SLC25A25: variants seen among roughly 807,000 people sequenced by gnomAD.
The protein encoded by SLC25A25 is solute carrier family 25 member 25, also known as mitochondrial adenyl nucleotide antiporter SLC25A25.
In SLC25A25, 32 loss-of-function variants were observed where a neutral mutation model predicts 57.7. The ratio of observed to expected loss-of-function variants is 0.55; its 90% CI spans 0.42 to 0.74. The LOEUF is 0.74. Among genes scored for constraint, SLC25A25 ranks in the 30% least tolerant of loss-of-function variants. The pLI, the probability that SLC25A25 is intolerant of heterozygous loss-of-function variation, is 0.00. For missense variants in SLC25A25, 556 were observed against 701.3 expected, an observed-to-expected ratio of 0.79 and a Z score of 2.34; for synonymous variants, 306 against 291.2, an observed-to-expected ratio of 1.05 and a Z score of -0.52.
At chr9:128,100,060 C>T (rs1833723686) in intron 1 of SLC25A25, among the ~76,000 whole-genome samples, 1 of 152,078 alleles carries the variant, frequency 6.6e-6, no homozygotes, top group Non-Finnish European at 1.5e-5. Context: ...TTGGGAGGAC[C>T]ACGGCCCAAC....
Position 128,103,886 on chromosome 9 carries a change from T to G in SLC25A25, c.783+47T>G. The G allele has an allele frequency of 6.7e-7, 1 of 1,484,504 alleles. No homozygotes were observed. The highest frequency in any genetic ancestry group is 8.9e-7 in the Non-Finnish European group (1 of 1,118,314). The allele number at this position is 1,484,504 out of a possible 1,614,324, so 92.0% of individuals were successfully genotyped here. On this transcript the variant is annotated intron_variant, in intron 6 of 10. Coordinates refer to ENST00000373069, the MANE Select transcript of SLC25A25 (RefSeq NM_001330988.2). This position sits in a 1 kb window ranked among gnomAD's most constrained non-coding sequence, Gnocchi z 6.7. ...GACCCCTGGGGGGCCAGTTTCCACC[T>G]GGGGGATGCTGCTTGGCTAGTTTTC...
At position 128,107,778 on chromosome 9, in the gene SLC25A25, C is replaced by T; in HGVS notation, c.*334C>T. 2.5e-6 allele frequency: 1 copy of T among 406,436 alleles called. No homozygotes were observed. Among genetic ancestry groups the T allele is most frequent in the Non-Finnish European group, 4.3e-6 (1 of 230,484 alleles). 25.2% of individuals were successfully genotyped at this position (406,436 alleles called of 1,614,324 possible). A position where few individuals can be genotyped will look rare whatever the true frequency, so the allele number is the denominator to read the frequency against. ...AGCCTGGAGGCCGGCTTAGTTCTTC[C>T]ATTTCACCCTTGCAGCCAGCTGTTG... On this transcript the variant is annotated 3_prime_UTR_variant, in exon 11 of 11. Coordinates refer to ENST00000373069, the MANE Select transcript of SLC25A25 (RefSeq NM_001330988.2).
chr9:128,070,537 G>A (rs937839015), intron 1 of SLC25A25, among the ~76,000 whole-genome samples: 1 of 150,308 alleles, frequency 6.7e-6, no homozygotes, highest in African/African-American at 2.4e-5. Context: ...CACCGCACCC[G>A]GCTAGAGACA....
chr9:128,098,215 G>A (rs566490462), intron 1 of SLC25A25: 61 of 193,458 alleles, frequency 3.2e-4, no homozygotes, highest in Middle Eastern at 4.0e-3. Context: ...GCTAGAGGGT[G>A]AAGGTTTGTT....
intron 1 of SLC25A25, among the ~76,000 whole-genome samples, chr9:128,086,411 G>A (rs1318478788): frequency 9.7e-5 from 14 of 143,686 alleles, no homozygotes; most frequent in Admixed American, 2.2e-4. Context: ...TCAGCGCACC[G>A]CAACCTCCAC....
At chr9:128,089,312 T>G (rs1342068564) in intron 1 of SLC25A25, among the ~76,000 whole-genome samples, 1 of 152,184 alleles carries the variant, frequency 6.6e-6, no homozygotes, top group Non-Finnish European at 1.5e-5. Context: ...AGCTAATAGC[T>G]CCATGTACTG....
At chr9:128,097,145 T>C (rs1438081137) in intron 1 of SLC25A25, among the ~76,000 whole-genome samples, 1 of 152,168 alleles carries the variant, frequency 6.6e-6, no homozygotes, top group Non-Finnish European at 1.5e-5. Flanking sequence ...ATCCCGGTAG[T>C]GGGAAGATAT....
At chr9:128,094,688 G>A (rs1002424525) in intron 1 of SLC25A25, among the ~76,000 whole-genome samples, 8 of 152,204 alleles carry the variant, frequency 5.3e-5, no homozygotes, top group African/African-American at 1.9e-4. Context: ...CAGAGGCACT[G>A]TACCTGCCCT....
intron 1 of SLC25A25, chr9:128,100,838 T>G: frequency 2.1e-6 from 1 of 483,610 alleles, no homozygotes; most frequent in Non-Finnish European, 3.7e-6. Flanking sequence ...CCCAGGCTCC[T>G]TGTTTCCTCT....
chr9:128,087,533 G>A (rs2130798176), intron 1 of SLC25A25, among the ~76,000 whole-genome samples: 1 of 152,328 alleles, frequency 6.6e-6, no homozygotes, highest in East Asian at 1.9e-4. Context: ...TGATGTGCCA[G>A]AGTTCGTTTT....
At position 128,093,145 on chromosome 9, in the gene SLC25A25, T is replaced by C. The variant is rs1199764283; in HGVS notation, c.262-7951T>C. Among the ~76,000 whole-genome samples, 3 of 152,350 alleles carry C rather than the reference T, an allele frequency of 2.0e-5. No homozygotes were observed. In the East Asian group the frequency reaches 5.8e-4, roughly 29 times the overall value. ...TTTTGCCTTTGCTACTAGGGACTTT[T>C]GATGTAATAACATTTGCAGTCATGT... is the stretch of plus-strand genomic sequence containing the variant. On this transcript the variant is annotated intron_variant, in intron 1 of 10. Coordinates refer to ENST00000373069, the MANE Select transcript of SLC25A25 (RefSeq NM_001330988.2).
rs958115794 is a variant in SLC25A25 at position 128,107,754 on chromosome 9, G to T, written c.*310G>T. Reference sequence around the variant, plus strand: ...AGTGCCTGCCAATAGCGAGCTTGGAGCCTGGAGGCCGGCTTAGTTCTTCCA... The same window carrying T: ...AGTGCCTGCCAATAGCGAGCTTGGATCCTGGAGGCCGGCTTAGTTCTTCCA... On this transcript the variant is annotated 3_prime_UTR_variant, in exon 11 of 11. Coordinates refer to ENST00000373069, the MANE Select transcript of SLC25A25 (RefSeq NM_001330988.2). 3 of 406,312 alleles carry T rather than the reference G, an allele frequency of 7.4e-6. No homozygotes were observed. The highest frequency in any genetic ancestry group is 1.3e-5 in the Non-Finnish European group (3 of 230,418). 25.2% of individuals were successfully genotyped at this position (406,312 alleles called of 1,614,324 possible). A position where few individuals can be genotyped will look rare whatever the true frequency, so the allele number is the denominator to read the frequency against.
At chr9:128,070,578 G>C (rs1832883634) in intron 1 of SLC25A25, among the ~76,000 whole-genome samples, 1 of 151,812 alleles carries the variant, frequency 6.6e-6, no homozygotes, top group Admixed American at 6.6e-5. Flanking sequence ...GTTTTGTAAT[G>C]TTTCCAGTCA....
chr9:128,098,876 A>C (rs1232774062), intron 1 of SLC25A25: 1 of 1,480,248 alleles, frequency 6.8e-7, no homozygotes, highest in African/African-American at 1.4e-5. Flanking sequence ...TATGGCCGGC[A>C]CGTGTACGTC....
At chr9:128,106,303 G>T in intron 8 of SLC25A25, 46 bp downstream of exon 8, 3 of 1,611,136 alleles carry the variant, frequency 1.9e-6, no homozygotes, top group Non-Finnish European at 2.5e-6. Context: ...GCACAGGACT[G>T]GGGAGAGGCA....
chr9:128,091,604 A>G, intron 1 of SLC25A25: 1 of 1,116,982 alleles, frequency 9.0e-7, no homozygotes, highest in Non-Finnish European at 1.1e-6. Flanking sequence ...TGCAGAAGTG[A>G]GTTTTTATTG....
chr9:128,098,409 G>A (rs954602967), intron 1 of SLC25A25: 1 of 1,358,076 alleles, frequency 7.4e-7, no homozygotes, highest in South Asian at 1.8e-5. Flanking sequence ...TGCCGTGGGA[G>A]GGCTTTTTTC....
At chr9:128,090,308 G>T (rs1833371680) in intron 1 of SLC25A25, among the ~76,000 whole-genome samples, 1 of 152,034 alleles carries the variant, frequency 6.6e-6, no homozygotes, top group Non-Finnish European at 1.5e-5. Context: ...CGCCTCCTGG[G>T]TTCAAGTGAT....
At chr9:128,098,759 C>T (rs761095361) in intron 1 of SLC25A25, 32 of 1,608,866 alleles carry the variant, frequency 2.0e-5, no homozygotes, top group African/African-American at 5.3e-5. Flanking sequence ...GGGAGAGGCG[C>T]ATTCAACCGG....
Sources: gnomAD v4.1 joint callset for allele counts (sites outside exome capture counted in the v4.1 genomes callset) on GRCh38, gnomAD v4.1.1 for gene constraint, Gnocchi (gnomAD v3.1) non-coding constraint, MANE v1.5 for transcripts, NCBI Gene and HGNC (gene_info 2026-07-23, HGNC 2026-07-21) for gene names.